TMPRSS15: variants seen among roughly 807,000 people sequenced by gnomAD.
TMPRSS15 encodes the protein enteropeptidase.
In TMPRSS15, 128 loss-of-function variants were observed where a neutral mutation model predicts 125.3. That is an observed-to-expected ratio of 1.02 (90% confidence interval 0.89 to 1.18). The LOEUF (loss-of-function observed/expected upper bound fraction) is 1.18. Ranked by LOEUF, TMPRSS15 falls within the 50% of genes most tolerant of loss-of-function variation. The probability of loss-of-function intolerance (pLI) is 0.00; values close to 1 mark genes in which losing one functional copy is unlikely to be tolerated. For missense variants in TMPRSS15, 1,283 were observed against 1,212.7 expected, an observed-to-expected ratio of 1.06 and a Z score of -0.86; for synonymous variants, 446 against 423.2, an observed-to-expected ratio of 1.05 and a Z score of -0.66.
At chr21:18,311,179 A>T (rs73322065) in intron 18 of TMPRSS15, among the ~76,000 whole-genome samples, 32,868 of 144,888 alleles carry the variant, frequency 0.23, 4,262 homozygotes, top group East Asian at 0.5. Context: ...GTCTGGACAA[A>T]GATGGCTTGA....
intron 1 of TMPRSS15, among the ~76,000 whole-genome samples, chr21:18,427,727 A>G (rs564975999): frequency 9.0e-4 from 137 of 152,352 alleles, no homozygotes; most frequent in African/African-American, 3.2e-3. Flanking sequence ...TACCTTTTAG[A>G]GAAAAAAACA....
chr21:18,451,255 A>G (rs573359132), intron 1 of TMPRSS15, among the ~76,000 whole-genome samples: 2 of 152,316 alleles, frequency 1.3e-5, no homozygotes, highest in East Asian at 3.9e-4. Flanking sequence ...AAATGTTGCT[A>G]TTAGCTTATC....
At chr21:18,462,024 T>C (rs910453058) in intron 1 of TMPRSS15, among the ~76,000 whole-genome samples, 1 of 152,174 alleles carries the variant, frequency 6.6e-6, no homozygotes, top group Non-Finnish European at 1.5e-5. Context: ...ATGATTATGA[T>C]GTGACTTCAA....
chr21:18,393,796 C>T (rs2076010023), intron 3 of TMPRSS15, among the ~76,000 whole-genome samples: 1 of 152,010 alleles, frequency 6.6e-6, no homozygotes, highest in Admixed American at 6.6e-5. Context: ...CCAAAGGTGC[C>T]CTTTGTAAGT....
At chr21:18,358,973 C>T (rs2075652676) in intron 8 of TMPRSS15, among the ~76,000 whole-genome samples, 1 of 152,002 alleles carries the variant, frequency 6.6e-6, no homozygotes, top group African/African-American at 2.4e-5. Flanking sequence ...ACAGGTGTCA[C>T]CAACCTTATC....
At chr21:18,377,065 A>G (rs916040811) in intron 5 of TMPRSS15, among the ~76,000 whole-genome samples, 11 of 152,128 alleles carry the variant, frequency 7.2e-5, no homozygotes, top group Non-Finnish European at 2.9e-5. Flanking sequence ...GTTCCCTTCT[A>G]TAAATACATA....
intron 4 of TMPRSS15, among the ~76,000 whole-genome samples, chr21:18,382,227 A>G (rs1197019527): frequency 2.0e-5 from 3 of 152,132 alleles, no homozygotes; most frequent in Admixed American, 6.6e-5. Context: ...ATGACATCAC[A>G]TAAGAGGATT....
intron 24 of TMPRSS15, 116 bp from the exon 25 acceptor site, chr21:18,270,240 A>G (rs1433273183): frequency 7.9e-6 from 7 of 887,942 alleles, no homozygotes; most frequent in Non-Finnish European, 1.2e-5. Context: ...ATATGATTTA[A>G]TTGCAAGTCA....
intron 15 of TMPRSS15, among the ~76,000 whole-genome samples, chr21:18,328,165 C>G (rs1165416480): frequency 1.3e-5 from 2 of 152,022 alleles, no homozygotes; most frequent in African/African-American, 4.8e-5. Context: ...ATAGAATACA[C>G]AAAATTTCCT....
At chr21:18,339,431 CT>C (rs1342546559) in intron 13 of TMPRSS15, among the ~76,000 whole-genome samples, 1 of 152,094 alleles carries the variant, frequency 6.6e-6, no homozygotes, top group East Asian at 1.9e-4. Flanking sequence ...GAAAAGTCTG[CT>C]TTTTTTCCTT....
intron 1 of TMPRSS15, among the ~76,000 whole-genome samples, chr21:18,445,408 T>C (rs530522520): frequency 7.2e-5 from 11 of 152,256 alleles, no homozygotes; most frequent in Non-Finnish European, 1.5e-4. Context: ...CTCAAACTCC[T>C]GACTTCAAGT....
chr21:18,370,902 A>T (rs943073518), intron 6 of TMPRSS15, among the ~76,000 whole-genome samples: 1 of 152,162 alleles, frequency 6.6e-6, no homozygotes, highest in Non-Finnish European at 1.5e-5. Context: ...AAAGTGTAAC[A>T]AATAATAGAA....
chr21:18,386,553 G>T (rs2075945718), intron 3 of TMPRSS15, among the ~76,000 whole-genome samples: 1 of 152,092 alleles, frequency 6.6e-6, no homozygotes, highest in Non-Finnish European at 1.5e-5. Flanking sequence ...AAAAGATAGA[G>T]CACTGCCTTT....
chr21:18,334,661 C>G (rs1033813305), intron 13 of TMPRSS15, among the ~76,000 whole-genome samples: 1 of 152,148 alleles, frequency 6.6e-6, no homozygotes, highest in Non-Finnish European at 1.5e-5. Flanking sequence ...CATGGAAAAT[C>G]TGAGAATTAC....
At position 18,383,690 on chromosome 21, in the gene TMPRSS15, C is replaced by T; in HGVS notation, c.433G>A (p.Glu145Lys). ...NVKEELIQGL[E>K]ANKSSQLVTF... The stretch of plus-strand genomic sequence containing the variant: ...ACCAGTTGGCTGGATTTATTTGCTT[C>T]AAGGCCTTGAATCAGTTCTTCTTTT... Residue 145 changes from glutamate (E) to lysine (K), a missense_variant, in exon 4 of 25, where the codon GAA (glutamate) becomes AAA (lysine). Coordinates refer to ENST00000284885, the MANE Select transcript of TMPRSS15 (RefSeq NM_002772.3). 2 of 1,613,986 alleles carry T rather than the reference C, an allele frequency of 1.2e-6. No homozygotes were observed. Among genetic ancestry groups the T allele is most frequent in the African/African-American group, 1.3e-5 (1 of 75,046 alleles).
At chr21:18,476,902 TC>T in intron 1 of TMPRSS15, among the ~76,000 whole-genome samples, 1 of 147,040 alleles carries the variant, frequency 6.8e-6, no homozygotes, top group Non-Finnish European at 1.5e-5. Context: ...CAATTCTCTC[TC>T]TCTTTTTTTT....
At chr21:18,455,500 G>GATGA (rs1978424475) in intron 1 of TMPRSS15, among the ~76,000 whole-genome samples, 1 of 152,178 alleles carries the variant, frequency 6.6e-6, no homozygotes, top group Admixed American at 6.5e-5. Flanking sequence ...GTTAGGACCT[G>GATGA]TACTTGCAAG....
At chr21:18,441,764 C>T (rs562646404) in intron 1 of TMPRSS15, among the ~76,000 whole-genome samples, 1 of 151,096 alleles carries the variant, frequency 6.6e-6, no homozygotes, top group South Asian at 2.1e-4. Context: ...GATCTCGGCT[C>T]ACTGCAACCT....
At chr21:18,362,264 G>A (rs2075685654) in intron 7 of TMPRSS15, among the ~76,000 whole-genome samples, 2 of 152,106 alleles carry the variant, frequency 1.3e-5, no homozygotes, top group Admixed American at 6.5e-5. Context: ...GAGTCAAGCT[G>A]GAATAGACAG....
Sources: allele counts gnomAD v4.1 joint callset (sites outside exome capture counted in the v4.1 genomes callset), GRCh38; gene constraint gnomAD v4.1.1; transcripts MANE v1.5; gene names NCBI Gene and HGNC (gene_info 2026-07-23, HGNC 2026-07-21).